The following TRA2A variants were observed in gnomAD, a reference collection of about 807,000 sequenced individuals.
TRA2A encodes the protein transformer-2 protein homolog alpha.
TRA2A carries 31 observed loss-of-function variants against 45.7 expected under a neutral mutation model. That is an observed-to-expected ratio of 0.68 (90% confidence interval 0.51 to 0.92). The LOEUF is 0.92. Ranked by LOEUF, TRA2A falls within the 40% of genes least tolerant of loss-of-function variation. The probability of loss-of-function intolerance (pLI) is 0.00; values close to 1 mark genes in which losing one functional copy is unlikely to be tolerated. For missense variants in TRA2A, 304 were observed against 367.5 expected, an observed-to-expected ratio of 0.83 and a Z score of 1.41; for synonymous variants, 132 against 126.2, an observed-to-expected ratio of 1.05 and a Z score of -0.31.
At chr7:23,531,233 CG>C in intron 1 of TRA2A, 6 of 987,020 alleles carry the variant, frequency 6.1e-6, no homozygotes, top group Non-Finnish European at 7.2e-6. Flanking sequence ...CCTTTTTAGA[CG>C]CAACGCCGCC....
chr7:23,506,255 C>A lies in TRA2A; in HGVS notation c.653G>T (p.Gly218Val), dbSNP rs763151340. 1.6e-5 allele frequency: 26 copies of A among 1,607,422 alleles called. No homozygotes were observed. In the Admixed American group the frequency reaches 4.4e-4, roughly 27 times the overall value. ...TCCACCGCCGCCGCCTCCTCCACCA[C>A]CCCCACCACTACTGCAGAAAAATGT... The part of the protein sequence containing the change: ...YMGRPTHSGG[G>V]GGGGGGGGGG... The change falls in exon 6 of 8, where the codon GGT becomes GTT. Residue 218 changes from glycine (G) to valine (V), a missense_variant. This residue lies in a region of TRA2A where 130 missense variants were observed against 217.1 expected (regional missense o/e 0.60). Transcript: ENST00000297071.
At chr7:23,509,108 A>G (rs1235198580) in intron 4 of TRA2A, among the ~76,000 whole-genome samples, 1 of 152,168 alleles carries the variant, frequency 6.6e-6, no homozygotes, top group African/African-American at 2.4e-5. Context: ...AAGTGCTGGG[A>G]TTAGAGGCAT....
At chr7:23,521,965 AG>A in intron 1 of TRA2A, 125 bp from the exon 2 acceptor site, 1 of 1,448,246 alleles carries the variant, frequency 6.9e-7, no homozygotes, top group Non-Finnish European at 9.2e-7. Context: ...AACACCCTCC[AG>A]AAAAAATTTC....
intron 2 of TRA2A, among the ~76,000 whole-genome samples, chr7:23,520,683 A>ATT (rs11346990): frequency 5.3e-4 from 69 of 129,718 alleles, no homozygotes; most frequent in Middle Eastern, 3.9e-3. Flanking sequence ...GCTGTTTTAA[A>ATT]TTTTTTTTTT....
intron 3 of TRA2A, 55 bp downstream of exon 3, chr7:23,516,308 G>C: frequency 6.3e-7 from 1 of 1,587,754 alleles, no homozygotes; most frequent in Non-Finnish European, 8.6e-7. Context: ...GATATGCCAT[G>C]ACTAAACACA....
Position 23,521,812 on chromosome 7 carries a change from G to T in TRA2A, c.65C>A (p.Thr22Lys). 2 of 1,614,090 alleles carry T rather than the reference G, an allele frequency of 1.2e-6. No individual in the cohort carries two copies. The highest frequency in any genetic ancestry group is 1.7e-6 in the Non-Finnish European group (2 of 1,180,020). Residue 22 changes from threonine (T) to lysine (K), a missense_variant, in exon 2 of 8, where the codon ACG becomes AAG. Around this residue, in one of 3 missense-constraint regions of TRA2A, gnomAD observed 132 missense variants for 113.4 expected, o/e 1.16. Coordinates refer to ENST00000297071, the MANE Select transcript of TRA2A (RefSeq NM_013293.5). ...CGATTTTACACGAGCAGGAGTTCCCGTTGGAGATTTTGACTGAGAGCGAGA... is the reference window on the plus strand; with the variant it reads ...CGATTTTACACGAGCAGGAGTTCCCTTTGGAGATTTTGACTGAGAGCGAGA... ...RESRSQSKSP[T>K]GTPARVKSES...
At chr7:23,517,265 G>A (rs192855073) in intron 2 of TRA2A, among the ~76,000 whole-genome samples, 5,157 of 151,386 alleles carry the variant, frequency 0.034, 124 homozygotes, top group Non-Finnish European at 0.052. Context: ...GGCGGATCAC[G>A]AGGTCAGGAG....
chr7:23,514,068 T>G (rs1789749467), intron 3 of TRA2A, among the ~76,000 whole-genome samples: 1 of 131,064 alleles, frequency 7.6e-6, no homozygotes, highest in African/African-American at 3.5e-5. Context: ...GGCTAGTAGA[T>G]TTTTTTTTTT....
intron 4 of TRA2A, among the ~76,000 whole-genome samples, chr7:23,508,477 T>TC (rs1188944208): frequency 1.3e-5 from 2 of 151,954 alleles, no homozygotes; most frequent in Non-Finnish European, 2.9e-5. Context: ...TAAACAGTAT[T>TC]CCATTCAATG....
intron 1 of TRA2A, among the ~76,000 whole-genome samples, chr7:23,524,937 G>A (rs896357657): frequency 2.0e-5 from 3 of 151,924 alleles, no homozygotes; most frequent in South Asian, 2.1e-4. Flanking sequence ...TGATCTGCCC[G>A]CCTTGGCCTC....
chr7:23,516,331 T>A, intron 3 of TRA2A, 32 bp downstream of exon 3: 1 of 1,610,744 alleles, frequency 6.2e-7, no homozygotes. Flanking sequence ...AAAGAGAAAA[T>A]AAGTCTTCAT....
chr7:23,528,504 CTTG>C (rs1363094206), intron 1 of TRA2A, among the ~76,000 whole-genome samples: 1 of 152,126 alleles, frequency 6.6e-6, no homozygotes, highest in East Asian at 1.9e-4. Context: ...CCGGGCCGGC[CTTG>C]TTTTGTTTTT....
intron 1 of TRA2A, chr7:23,522,323 CA>C: frequency 8.3e-7 from 1 of 1,201,302 alleles, no homozygotes; most frequent in Non-Finnish European, 1.1e-6. Flanking sequence ...TTTTTTCCCC[CA>C]TTCAATTTTA....
At chr7:23,505,627 A>C (rs1789296085) in intron 7 of TRA2A, 58 bp from the exon 8 acceptor site, 1 of 590,484 alleles carries the variant, frequency 1.7e-6, no homozygotes, top group Non-Finnish European at 3.0e-6. Flanking sequence ...TTATAGTTTA[A>C]TTTGCCTCAT....
intron 4 of TRA2A, among the ~76,000 whole-genome samples, chr7:23,510,041 C>G (rs1789524662): frequency 6.6e-6 from 1 of 152,018 alleles, no homozygotes; most frequent in Non-Finnish European, 1.5e-5. Context: ...TCCAAACAAA[C>G]AAAGAAACAA....
At chr7:23,509,742 A>T (rs1022480324) in intron 4 of TRA2A, among the ~76,000 whole-genome samples, 1 of 151,892 alleles carries the variant, frequency 6.6e-6, no homozygotes, top group East Asian at 1.9e-4. Flanking sequence ...AAAAAAAAAA[A>T]ATCACTTTAG....
rs777265656 is a variant in TRA2A, at chr7:23,531,871, C to T, written c.-47G>A. 17 of 1,608,124 alleles carry T rather than the reference C, an allele frequency of 1.1e-5. No homozygotes were observed. Among genetic ancestry groups the T allele is most frequent in the South Asian group, 2.2e-5 (2 of 90,990 alleles). ...ACTAAATAAGAGACAAGTCTCGGCT[C>T]GAGGGCCGATGGCCTAATTAACCCG... On this transcript the variant is annotated 5_prime_UTR_variant, in exon 1 of 8. Coordinates refer to ENST00000297071, the MANE Select transcript of TRA2A (RefSeq NM_013293.5).
At chr7:23,531,516 G>A (rs906061539) in intron 1 of TRA2A, 3 of 560,518 alleles carry the variant, frequency 5.4e-6, no homozygotes, top group Non-Finnish European at 9.5e-6. Context: ...CAGGGGTGGG[G>A]AGAAGGGAGG....
chr7:23,516,633 C>T, intron 2 of TRA2A, 105 bp from the exon 3 acceptor site: 1 of 985,748 alleles, frequency 1.0e-6, no homozygotes. Flanking sequence ...TCAGGTCCTT[C>T]CTCCTTGCTT....
Sources: allele counts gnomAD v4.1 joint callset (sites outside exome capture counted in the v4.1 genomes callset), GRCh38; gene constraint gnomAD v4.1.1; regional missense constraint gnomAD v4.1.1; transcripts MANE v1.5; gene names NCBI Gene and HGNC (gene_info 2026-07-23, HGNC 2026-07-21).